Variants in NFKB1 observed in about 807,000 individuals in gnomAD.
NFKB1 encodes the protein nuclear factor NF-kappa-B p105 subunit.
In NFKB1, 9 loss-of-function variants were observed where a neutral mutation model predicts 105.1. That is an observed-to-expected ratio of 0.09 (90% CI 0.05 to 0.15). The LOEUF is 0.15. Ranked by LOEUF, NFKB1 falls within the 10% of genes least tolerant of loss-of-function variation. NFKB1 has a pLI of 1.00. For synonymous variants in NFKB1, 440 were observed against 442.2 expected (o/e 1.00, Z 0.06); for missense variants, 830 against 1,203.7 (o/e 0.69, Z 4.59).
chr4:102,524,087 TTTAA>T (rs1740741457), intron 1 of NFKB1, among the ~76,000 whole-genome samples: 1 of 152,128 alleles, frequency 6.6e-6, no homozygotes, highest in East Asian at 1.9e-4. Context: ...CTTGTGTTTC[TTTAA>T]TTTTCTCATT....
intron 5 of NFKB1, among the ~76,000 whole-genome samples, chr4:102,550,369 A>G (rs948374290): frequency 1.3e-5 from 2 of 152,116 alleles, no homozygotes; most frequent in South Asian, 4.1e-4. Flanking sequence ...TAGCAGGAGA[A>G]GTTTTTCTAG....
At chr4:102,540,713 A>C (rs1262808693) in intron 5 of NFKB1, among the ~76,000 whole-genome samples, 4 of 152,108 alleles carry the variant, frequency 2.6e-5, no homozygotes, top group African/African-American at 4.8e-5. Flanking sequence ...ATAGGAAGTA[A>C]TTTTATTTAT....
intron 5 of NFKB1, among the ~76,000 whole-genome samples, chr4:102,563,258 G>C (rs976955857): frequency 8.5e-5 from 13 of 152,128 alleles, no homozygotes; most frequent in African/African-American, 3.1e-4. Context: ...AAAATCTTAA[G>C]TTTCATCAAG....
At chr4:102,615,928 C>T (rs1325919633) in intron 23 of NFKB1, among the ~76,000 whole-genome samples, 6 of 152,226 alleles carry the variant, frequency 3.9e-5, no homozygotes, top group Admixed American at 3.9e-4. Flanking sequence ...CCAGTATAGA[C>T]TCATTTTCAC....
intron 6 of NFKB1, among the ~76,000 whole-genome samples, chr4:102,571,556 A>G (rs932103386): frequency 6.6e-6 from 1 of 152,186 alleles, no homozygotes; most frequent in Non-Finnish European, 1.5e-5. Flanking sequence ...AACCTACAGA[A>G]TGGGAGAAAA....
chr4:102,513,623 G>A (rs983998053), intron 1 of NFKB1, among the ~76,000 whole-genome samples: 19 of 152,110 alleles, frequency 1.2e-4, no homozygotes, highest in African/African-American at 4.3e-4. Context: ...GCTTCTTTCA[G>A]GGGGGTGAGG....
intron 1 of NFKB1, among the ~76,000 whole-genome samples, chr4:102,515,356 C>A (rs372984368): frequency 6.6e-6 from 1 of 151,560 alleles, no homozygotes; most frequent in Admixed American, 6.6e-5. Flanking sequence ...GTGATCCGCC[C>A]GCCTCGGCCT....
At chr4:102,540,486 C>T (rs4648007) in intron 5 of NFKB1, among the ~76,000 whole-genome samples, 26 of 152,108 alleles carry the variant, frequency 1.7e-4, no homozygotes, top group South Asian at 2.1e-4. Context: ...GATATGTAAA[C>T]GACTAATAAT....
intron 15 of NFKB1, among the ~76,000 whole-genome samples, chr4:102,598,830 T>A (rs1322945635): frequency 1.3e-5 from 2 of 152,110 alleles, no homozygotes; most frequent in African/African-American, 4.8e-5. Flanking sequence ...GGGAGGATTG[T>A]TGGAAGGGAT....
At chr4:102,562,157 T>C (rs1384152948) in intron 5 of NFKB1, among the ~76,000 whole-genome samples, 2 of 152,140 alleles carry the variant, frequency 1.3e-5, no homozygotes, top group Non-Finnish European at 2.9e-5. Flanking sequence ...TTGCATGTGC[T>C]GTTTTTCCTG....
chr4:102,606,745 A>G, intron 17 of NFKB1, 48 bp downstream of exon 17: 1 of 1,551,880 alleles, frequency 6.4e-7, no homozygotes, highest in South Asian at 1.1e-5. Context: ...CACCTTCTAA[A>G]TATCTACTAG....
chr4:102,616,396 G>A (rs375577759), intron 23 of NFKB1, 38 bp from the exon 24 acceptor site: 52 of 1,608,014 alleles, frequency 3.2e-5, no homozygotes, highest in African/African-American at 2.0e-4. Context: ...TTTAGAGCCC[G>A]GCCATTCCCC....
At chr4:102,615,035 A>C (rs1345310860) in intron 23 of NFKB1, among the ~76,000 whole-genome samples, 1 of 152,034 alleles carries the variant, frequency 6.6e-6, no homozygotes, top group Non-Finnish European at 1.5e-5. Flanking sequence ...AAATTCTTGC[A>C]CGGCTCCTAC....
At chr4:102,546,519 T>G (rs1722151540) in intron 5 of NFKB1, among the ~76,000 whole-genome samples, 1 of 152,196 alleles carries the variant, frequency 6.6e-6, no homozygotes, top group Admixed American at 6.5e-5. Flanking sequence ...AACATTTTCT[T>G]TAATGCATAG....
At chr4:102,529,415 G>T (rs1741132249) in intron 2 of NFKB1, among the ~76,000 whole-genome samples, 1 of 152,130 alleles carries the variant, frequency 6.6e-6, no homozygotes, top group South Asian at 2.1e-4. Flanking sequence ...CACCATAGAG[G>T]AAATACTGAT....
At chr4:102,609,473 G>A (rs895016835) in intron 19 of NFKB1, among the ~76,000 whole-genome samples, 3 of 151,740 alleles carry the variant, frequency 2.0e-5, no homozygotes, top group African/African-American at 4.8e-5. Context: ...TTAGCTGGGC[G>A]TGGTGGCATG....
chr4:102,519,494 A>T (rs896420932), intron 1 of NFKB1, among the ~76,000 whole-genome samples: 2 of 150,396 alleles, frequency 1.3e-5, no homozygotes, highest in African/African-American at 4.9e-5. Context: ...ACCAAAGAAA[A>T]TTTTTTTTTA....
At chr4:102,525,579 ATAACT>A (rs748860231) in intron 2 of NFKB1, 22 bp downstream of exon 2, 17 of 1,595,488 alleles carry the variant, frequency 1.1e-5, no homozygotes, top group Middle Eastern at 1.7e-4. Context: ...AATCTCACTG[ATAACT>A]TTATTTAAAT....
chr4:102,529,117 ATACGTAAAT>A (rs1741111970), intron 2 of NFKB1, among the ~76,000 whole-genome samples: 1 of 152,150 alleles, frequency 6.6e-6, no homozygotes, highest in South Asian at 2.1e-4. Flanking sequence ...CCTTAATGAC[ATACGTAAAT>A]TTCCTTTTGT....
Sources: allele counts gnomAD v4.1 joint callset (sites outside exome capture counted in the v4.1 genomes callset), GRCh38; gene constraint gnomAD v4.1.1; transcripts MANE v1.5; gene names NCBI Gene and HGNC (gene_info 2026-07-23, HGNC 2026-07-21).